The following SPAG9 variants were observed in gnomAD, a reference collection of about 807,000 sequenced individuals.
SPAG9 encodes the protein sperm associated antigen 9.
SPAG9 carries 35 observed loss-of-function variants against 166.5 expected under a neutral mutation model. The ratio of observed to expected loss-of-function variants is 0.21; its 90% CI spans 0.16 to 0.28. The LOEUF is 0.28. Ranked by LOEUF, SPAG9 falls within the 10% of genes least tolerant of loss-of-function variation. SPAG9 has a pLI of 1.00. For synonymous variants in SPAG9, 534 were observed against 565.5 expected (o/e 0.94, Z 0.79); for missense variants, 1,235 against 1,603.3 (o/e 0.77, Z 3.92).
chr17:51,045,968 T>G (rs2144440628), intron 4 of SPAG9, among the ~76,000 whole-genome samples: 1 of 152,348 alleles, frequency 6.6e-6, no homozygotes, highest in Non-Finnish European at 1.5e-5. Flanking sequence ...GTCTTAAATT[T>G]TTTCACTTTA....
At chr17:51,108,355 C>G (rs1052222778) in intron 1 of SPAG9, among the ~76,000 whole-genome samples, 4 of 147,980 alleles carry the variant, frequency 2.7e-5, no homozygotes, top group Non-Finnish European at 5.9e-5. Flanking sequence ...CCACTACACT[C>G]CAGCCTAGGT....
intron 4 of SPAG9, among the ~76,000 whole-genome samples, chr17:51,043,342 G>GA (rs750913641): frequency 1.3e-5 from 2 of 151,946 alleles, no homozygotes; most frequent in Non-Finnish European, 2.9e-5. Context: ...ATAAGTCCAT[G>GA]AAAAAAGAGG....
chr17:51,033,433 C>A (rs2046463374), intron 5 of SPAG9, among the ~76,000 whole-genome samples: 1 of 151,886 alleles, frequency 6.6e-6, no homozygotes, highest in Non-Finnish European at 1.5e-5. Flanking sequence ...TTTACAATGA[C>A]TGGGGGAAAA....
intron 2 of SPAG9, among the ~76,000 whole-genome samples, chr17:51,072,071 A>G (rs1352160386): frequency 1.3e-5 from 2 of 151,974 alleles, no homozygotes; most frequent in African/African-American, 4.8e-5. Context: ...CACAAAATTC[A>G]TATTTTCTTT....
Position 51,120,702 on chromosome 17 carries a change from G to A in SPAG9, c.-46C>T. On this transcript the variant is annotated 5_prime_UTR_variant, in exon 1 of 30. Coordinates refer to ENST00000262013, the MANE Select transcript of SPAG9 (RefSeq NM_001130528.3). The surrounding 1 kb of genome is among the most constrained non-coding windows in gnomAD (Gnocchi z 4.7). The stretch of plus-strand genomic sequence containing the variant: ...GCGGCCCGGGGCGTCGCCGGCAGAG[G>A]GGCGGCACCTGCCCGCACGGGACGG... 6.7e-7 allele frequency: 1 copy of A among 1,499,088 alleles called. No individual in the cohort carries two copies. The highest frequency in any genetic ancestry group is 9.0e-7 in the Non-Finnish European group (1 of 1,116,604). 92.9% of individuals were successfully genotyped at this position (1,499,088 alleles called of 1,614,324 possible).
chr17:50,976,622 T>C (rs368564079), intron 27 of SPAG9: 2 of 153,396 alleles, frequency 1.3e-5, no homozygotes, highest in African/African-American at 4.8e-5. Flanking sequence ...ACGAGGTATA[T>C]TTTATTCATA....
chr17:50,984,920 C>T lies in SPAG9; in HGVS notation c.3088+3G>A. The T allele has an allele frequency of 6.2e-7, 1 of 1,612,822 alleles. No individual in the cohort carries two copies. The highest frequency in any genetic ancestry group is 8.5e-7 in the Non-Finnish European group (1 of 1,178,780). ...TCCATGTTATACACACATCACCACT[C>T]ACCCACTCCTCTGTGAAAGATTGCA... On this transcript the variant is annotated splice_donor_region_variant and intron_variant, in intron 24 of 29. Transcript: ENST00000262013.
At chr17:51,100,216 T>G (rs1450678951) in intron 1 of SPAG9, among the ~76,000 whole-genome samples, 1 of 152,260 alleles carries the variant, frequency 6.6e-6, no homozygotes, top group Non-Finnish European at 1.5e-5. Flanking sequence ...CTGAGAATTC[T>G]GTTTAATTCC....
chr17:51,070,803 C>A (rs2047800954), intron 2 of SPAG9, among the ~76,000 whole-genome samples: 1 of 152,156 alleles, frequency 6.6e-6, no homozygotes, highest in Middle Eastern at 3.4e-3. Context: ...GTAAAAAACA[C>A]AGTGGCCATT....
intron 2 of SPAG9, among the ~76,000 whole-genome samples, chr17:51,074,230 C>T (rs886330686): frequency 1.3e-5 from 2 of 150,950 alleles, no homozygotes; most frequent in East Asian, 1.9e-4. Context: ...AGCGAGACTC[C>T]GTCTCAAAAA....
intron 1 of SPAG9, among the ~76,000 whole-genome samples, chr17:51,091,884 A>G (rs1598164860): frequency 6.6e-6 from 1 of 151,996 alleles, no homozygotes; most frequent in South Asian, 2.1e-4. Flanking sequence ...TTTGTGATGA[A>G]GCAAAATGCT....
intron 1 of SPAG9, among the ~76,000 whole-genome samples, chr17:51,085,114 C>T (rs1270815292): frequency 1.3e-5 from 2 of 152,082 alleles, no homozygotes; most frequent in African/African-American, 4.8e-5. Context: ...GGAGGCCGAG[C>T]TGGGATTACA....
Position 51,005,200 on chromosome 17 carries a change from T to C in SPAG9, c.1476+12A>G, listed in dbSNP as rs1209883588. ...GTAAGGTAAGAAAAAAAGTCCAAAA[T>C]TGTAAACCTACATCATCGTCATCTT... On this transcript the variant is annotated intron_variant, in intron 12 of 29. Coordinates refer to ENST00000262013, the MANE Select transcript of SPAG9 (RefSeq NM_001130528.3). 3 of 1,613,310 alleles carry C rather than the reference T, an allele frequency of 1.9e-6. No homozygotes were observed. Among genetic ancestry groups the C allele is most frequent in the East Asian group, 2.2e-5 (1 of 44,844 alleles).
intron 2 of SPAG9, among the ~76,000 whole-genome samples, chr17:51,077,081 T>TCTAGCTAGCTAG (rs1230111197): frequency 8.2e-5 from 9 of 109,682 alleles, no homozygotes; most frequent in African/African-American, 2.9e-4. Flanking sequence ...TATCTAGCTA[T>TCTAGCTAGCTAG]CTAGCTAGCT....
chr17:51,083,390 G>A (rs901938091), intron 1 of SPAG9, among the ~76,000 whole-genome samples: 1 of 150,710 alleles, frequency 6.6e-6, no homozygotes, highest in Non-Finnish European at 1.5e-5. Flanking sequence ...GCCTGCCACC[G>A]CACCCGGCTA....
intron 24 of SPAG9, 94 bp from the exon 25 acceptor site, chr17:50,982,766 T>C (rs1597905717): frequency 8.6e-7 from 1 of 1,159,944 alleles, no homozygotes; most frequent in East Asian, 2.5e-5. Flanking sequence ...ATTAAATTTA[T>C]TGAGGAAGCA....
At chr17:51,024,495 G>T (rs558630306) in intron 6 of SPAG9, among the ~76,000 whole-genome samples, 2 of 151,832 alleles carry the variant, frequency 1.3e-5, no homozygotes, top group East Asian at 3.9e-4. Context: ...GGAGGACGAG[G>T]CAGGCAGATC....
At chr17:51,104,661 C>T (rs2048892364) in intron 1 of SPAG9, among the ~76,000 whole-genome samples, 1 of 151,702 alleles carries the variant, frequency 6.6e-6, no homozygotes, top group Non-Finnish European at 1.5e-5. Flanking sequence ...AGGCCGGGTG[C>T]GGTGGCTCAC....
At chr17:51,045,176 A>G (rs2046975728) in intron 4 of SPAG9, among the ~76,000 whole-genome samples, 1 of 152,184 alleles carries the variant, frequency 6.6e-6, no homozygotes, top group Non-Finnish European at 1.5e-5. Flanking sequence ...CAGGCAGTTC[A>G]ATTCCAAAGC....
Sources: allele counts gnomAD v4.1 joint callset (sites outside exome capture counted in the v4.1 genomes callset), GRCh38; gene constraint gnomAD v4.1.1; non-coding constraint Gnocchi (gnomAD v3.1); transcripts MANE v1.5; gene names NCBI Gene and HGNC (gene_info 2026-07-23, HGNC 2026-07-21).